CAP2: variants seen among roughly 807,000 people sequenced by gnomAD.
CAP2 encodes the protein cyclase associated actin cytoskeleton regulatory protein 2.
CAP2 carries 24 observed loss-of-function variants against 57.7 expected under a neutral mutation model. The observed-to-expected ratio is 0.42, with a 90% CI of 0.30 to 0.58. The LOEUF is 0.58. Ranked by LOEUF, CAP2 falls within the 20% of genes least tolerant of loss-of-function variation. CAP2 has a pLI of 0.22. For missense variants in CAP2, 501 were observed against 590.3 expected (o/e 0.85, Z 1.57); for synonymous variants, 194 against 207.2 (o/e 0.94, Z 0.55).
intron 7 of CAP2, among the ~76,000 whole-genome samples, chr6:17,523,733 C>T (rs955395122): frequency 4.6e-5 from 7 of 152,134 alleles, no homozygotes; most frequent in Admixed American, 2.0e-4. Flanking sequence ...CCATGTTTAC[C>T]ATGTTATTAG....
At chr6:17,417,145 GAA>G (rs11340468) in intron 1 of CAP2, among the ~76,000 whole-genome samples, 1 of 138,464 alleles carries the variant, frequency 7.2e-6, no homozygotes. Flanking sequence ...ATTCAGATAA[GAA>G]AAAAAAAAAT....
chr6:17,530,808 TG>T (rs1762621498), intron 7 of CAP2: 2 of 587,802 alleles, frequency 3.4e-6, no homozygotes, highest in Middle Eastern at 4.8e-4. Flanking sequence ...TTCATTTTTT[TG>T]GTCTCCCACT....
intron 4 of CAP2, among the ~76,000 whole-genome samples, chr6:17,490,412 C>T (rs1761516692): frequency 6.6e-6 from 1 of 152,220 alleles, no homozygotes; most frequent in African/African-American, 2.4e-5. Context: ...CTTGAAATTA[C>T]TTTCCTTTTA....
chr6:17,471,174 C>T (rs751448227), intron 4 of CAP2, among the ~76,000 whole-genome samples: 5 of 152,112 alleles, frequency 3.3e-5, no homozygotes, highest in African/African-American at 4.8e-5. Context: ...AACGAAGGAA[C>T]ACAGAGCCAA....
intron 3 of CAP2, among the ~76,000 whole-genome samples, chr6:17,453,439 G>T (rs1402974738): frequency 1.3e-5 from 2 of 152,172 alleles, no homozygotes; most frequent in Non-Finnish European, 2.9e-5. Flanking sequence ...TTGTTTTTGA[G>T]GATGGTCATA....
At chr6:17,467,583 G>A (rs1257511434) in intron 4 of CAP2, among the ~76,000 whole-genome samples, 1 of 152,138 alleles carries the variant, frequency 6.6e-6, no homozygotes, top group Non-Finnish European at 1.5e-5. Flanking sequence ...GAGTGCAGTG[G>A]CGCTACCTTG....
At chr6:17,521,736 G>A (rs530883368) in intron 7 of CAP2, among the ~76,000 whole-genome samples, 32 of 152,242 alleles carry the variant, frequency 2.1e-4, no homozygotes, top group African/African-American at 7.7e-4. Context: ...CATAGACCAG[G>A]ACCACGTGGA....
At chr6:17,532,107 ACTACCT>A (rs1762657523) in intron 7 of CAP2, among the ~76,000 whole-genome samples, 1 of 141,550 alleles carries the variant, frequency 7.1e-6, no homozygotes, top group South Asian at 2.3e-4. Flanking sequence ...CAAATTCTCT[ACTACCT>A]CTATTGTTGG....
At chr6:17,523,255 A>G (rs1054723685) in intron 7 of CAP2, among the ~76,000 whole-genome samples, 7 of 152,172 alleles carry the variant, frequency 4.6e-5, no homozygotes, top group African/African-American at 7.2e-5. Flanking sequence ...ATAAAATCTA[A>G]CACAAAATTT....
chr6:17,464,494 C>G (rs1760812399), intron 4 of CAP2, among the ~76,000 whole-genome samples: 3 of 152,158 alleles, frequency 2.0e-5, no homozygotes, highest in African/African-American at 7.2e-5. Context: ...CATTCCCAGC[C>G]ATGCTTGTGC....
intron 1 of CAP2, among the ~76,000 whole-genome samples, chr6:17,399,943 C>T (rs890440241): frequency 8.6e-5 from 13 of 151,932 alleles, no homozygotes; most frequent in Admixed American, 7.2e-4. Context: ...CTGTAGTGGC[C>T]GGGCATGGTG....
chr6:17,473,766 G>A (rs1761080460), intron 4 of CAP2, among the ~76,000 whole-genome samples: 1 of 152,118 alleles, frequency 6.6e-6, no homozygotes, highest in Admixed American at 6.6e-5. Flanking sequence ...TTCTATATTT[G>A]TATGTGCTGG....
At position 17,399,122 on chromosome 6, in the gene CAP2, G is replaced by A. The variant is rs560080948; in HGVS notation, c.-2+5376G>A. On this transcript the variant is annotated intron_variant, in intron 1 of 12. Transcript: ENST00000229922. Reference sequence around the variant, plus strand: ...TTTGTCACCCAGGCTGGAGTGCAGTGGCACCATCTCGGCTCGCTGCAACCT... The same window carrying A: ...TTTGTCACCCAGGCTGGAGTGCAGTAGCACCATCTCGGCTCGCTGCAACCT... Among the ~76,000 whole-genome samples the A allele has an allele frequency of 3.1e-3, 467 of 152,296 alleles. 3 individuals carry two copies. Among genetic ancestry groups the A allele is most frequent in the African/African-American group, 0.011 (450 of 41,572 alleles).
At chr6:17,425,536 T>G (rs1198818001) in intron 2 of CAP2, among the ~76,000 whole-genome samples, 1 of 152,176 alleles carries the variant, frequency 6.6e-6, no homozygotes. Flanking sequence ...GTAAGGTCAT[T>G]ATAGCACCTG....
Position 17,542,974 on chromosome 6 carries a change from A to G in CAP2, c.1126+14A>G. 6.2e-7 allele frequency: 1 copy of G among 1,613,470 alleles called. No homozygotes were observed. The highest frequency in any genetic ancestry group is 8.5e-7 in the Non-Finnish European group (1 of 1,179,494). ...CCATTATAATTGGTAGGGCAGAATT[A>G]TGGCTCTATGGTTATTATGATGTTT... is the stretch of plus-strand genomic sequence containing the variant. On this transcript the variant is annotated intron_variant, in intron 10 of 12. Coordinates refer to ENST00000229922, the MANE Select transcript of CAP2 (RefSeq NM_006366.3).
At chr6:17,546,502 C>A (rs530127841) in intron 11 of CAP2, among the ~76,000 whole-genome samples, 1 of 152,114 alleles carries the variant, frequency 6.6e-6, no homozygotes, top group African/African-American at 2.4e-5. Flanking sequence ...GTTGCCTGTT[C>A]GCTCTGATGG....
intron 4 of CAP2, among the ~76,000 whole-genome samples, chr6:17,500,041 G>A (rs991053342): frequency 2.0e-5 from 3 of 151,458 alleles, no homozygotes; most frequent in Admixed American, 1.3e-4. Flanking sequence ...TCATGTACAT[G>A]AGTGGTGCTC....
intron 7 of CAP2, among the ~76,000 whole-genome samples, chr6:17,533,307 G>A (rs180758490): frequency 1.1e-4 from 16 of 152,016 alleles, no homozygotes; most frequent in African/African-American, 3.9e-4. Context: ...TATAGCTACA[G>A]TTCATATATT....
intron 3 of CAP2, among the ~76,000 whole-genome samples, chr6:17,457,504 C>G (rs538485600): frequency 6.6e-6 from 1 of 152,366 alleles, no homozygotes; most frequent in South Asian, 2.1e-4. Context: ...AGTCCTTTGA[C>G]ATGTCGACCG....
Sources: gnomAD v4.1 joint callset for allele counts (sites outside exome capture counted in the v4.1 genomes callset) on GRCh38, gnomAD v4.1.1 for gene constraint, MANE v1.5 for transcripts, NCBI Gene and HGNC (gene_info 2026-07-23, HGNC 2026-07-21) for gene names.